DENND4A: variants seen among roughly 807,000 people sequenced by gnomAD.
The protein encoded by DENND4A is DENN domain containing 4A.
DENND4A carries 70 observed loss-of-function variants against 199.3 expected under a neutral mutation model. The observed-to-expected ratio is 0.35, with a 90% CI of 0.29 to 0.43. DENND4A has a LOEUF of 0.43. DENND4A is among the 20% of genes least tolerant of loss of function. The pLI, the probability that DENND4A is intolerant of heterozygous loss-of-function variation, is 1.00. For missense variants in DENND4A, 1,723 were observed against 2,255.8 expected, an observed-to-expected ratio of 0.76 and a Z score of 4.78; for synonymous variants, 686 against 766.9, an observed-to-expected ratio of 0.89 and a Z score of 1.74.
At chr15:65,736,173 T>C (rs2076110185) in intron 7 of DENND4A, among the ~76,000 whole-genome samples, 2 of 152,216 alleles carry the variant, frequency 1.3e-5, no homozygotes, top group Non-Finnish European at 2.9e-5. Flanking sequence ...CAAATCAGTA[T>C]TTAACAAATG....
chr15:65,792,261 C>G lies in DENND4A; in HGVS notation c.-353G>C, dbSNP rs1373280101. On this transcript the variant is annotated 5_prime_UTR_variant, in exon 1 of 33. Coordinates refer to ENST00000443035, the MANE Select transcript of DENND4A (RefSeq NM_001320835.1). ...CGCCTCTTTCTCCGACTCTAGCCTC[C>G]GCGGCCACCGCGACCGGCGCCATCT... The G allele has an allele frequency of 6.6e-6, 1 of 152,564 alleles. No homozygotes were observed. The highest frequency in any genetic ancestry group is 2.1e-4 in the South Asian group (1 of 4,854). 9.5% of individuals were successfully genotyped at this position (152,564 alleles called of 1,614,324 possible). A position where few individuals can be genotyped will look rare whatever the true frequency, so the allele number is the denominator to read the frequency against.
rs540087781 is a variant in DENND4A at position 65,779,043 on chromosome 15, G to A, written c.-102+12967C>T. Among the ~76,000 whole-genome samples the A allele has an allele frequency of 2.1e-4, 32 of 152,148 alleles. No homozygotes were observed. In the East Asian group the frequency reaches 4.1e-3, roughly 19 times the overall value. On this transcript the variant is annotated intron_variant, in intron 1 of 32. Transcript: ENST00000443035. ...ACTCAGAAGGCAGAGACAGTAAGAC[G>A]GCTTGAGCCCAGGAATTTGAGGCCA...
At chr15:65,720,122 A>C (rs942140436) in intron 12 of DENND4A, among the ~76,000 whole-genome samples, 2 of 152,158 alleles carry the variant, frequency 1.3e-5, no homozygotes, top group East Asian at 1.9e-4. Context: ...AACTGGCAAA[A>C]CCTGAATGTG....
chr15:65,692,514 T>C lies in DENND4A; in HGVS notation c.3083-1003A>G, dbSNP rs76530314. Among the ~76,000 whole-genome samples, 39 of 152,310 alleles carry C rather than the reference T, an allele frequency of 2.6e-4. No homozygotes were observed. The East Asian group carries it at 7.3e-3, about 29-fold the overall frequency. On this transcript the variant is annotated intron_variant, in intron 22 of 32. Coordinates refer to ENST00000443035, the MANE Select transcript of DENND4A (RefSeq NM_001320835.1). ...TTAGCTCTCTATAGCCAGACAAGTA[T>C]TGAAAATGTGCCTTTTCTTGTCATG... is the stretch of plus-strand genomic sequence containing the variant.
chr15:65,685,464 T>C (rs1007180944), intron 23 of DENND4A, among the ~76,000 whole-genome samples: 12 of 152,350 alleles, frequency 7.9e-5, no homozygotes, highest in East Asian at 3.9e-4. Context: ...AGACATCTTA[T>C]CCTTTTTGTG....
At chr15:65,678,863 G>A (rs988811507) in intron 23 of DENND4A, among the ~76,000 whole-genome samples, 4 of 151,876 alleles carry the variant, frequency 2.6e-5, no homozygotes, top group Admixed American at 2.6e-4. Context: ...CTAATTTTTT[G>A]TATTTTTAGT....
rs2075977943 is a variant in DENND4A at position 65,664,662 on chromosome 15, A to G, written c.5420T>C (p.Leu1807Pro). ...AATGCTTTTTACCATACTTTTCAAC[A>G]GTTCCTGGTTAAATGAGTTATCACT... ...QKSDNSFNQE[L>P]LKSMVKSIKM... The change falls in exon 31 of 33, where the codon CTG (leucine) becomes CCG (proline). Residue 1807 changes from leucine (L) to proline (P), a missense_variant. Leu to Pro is a moderately conservative substitution (Grantham distance 98). Coordinates refer to ENST00000443035, the MANE Select transcript of DENND4A (RefSeq NM_001320835.1). The G allele has an allele frequency of 1.2e-6, 2 of 1,613,052 alleles. No homozygotes were observed. Among genetic ancestry groups the G allele is most frequent in the Non-Finnish European group, 1.7e-6 (2 of 1,179,330 alleles).
intron 23 of DENND4A, among the ~76,000 whole-genome samples, chr15:65,687,264 A>G (rs950771689): frequency 2.0e-5 from 3 of 152,204 alleles, no homozygotes; most frequent in African/African-American, 7.2e-5. Flanking sequence ...ATTTAATAAT[A>G]TAACTATAAT....
At chr15:65,750,523 T>G (rs1276227232) in intron 4 of DENND4A, among the ~76,000 whole-genome samples, 1 of 151,966 alleles carries the variant, frequency 6.6e-6, no homozygotes, top group Non-Finnish European at 1.5e-5. Flanking sequence ...ACAAAAAAAT[T>G]CAAATTAAAA....
Position 65,762,449 on chromosome 15 carries a change from C to T in DENND4A, c.-101-1011G>A, listed in dbSNP as rs1165745829. ...AGCCAGCCTGGGCAATATAGTGAGG[C>T]CCCCATCTCTAAAAAAAAAAGAAGA... On this transcript the variant is annotated intron_variant, in intron 1 of 32. Coordinates refer to ENST00000443035, the MANE Select transcript of DENND4A (RefSeq NM_001320835.1). 3.9e-5 allele frequency among the ~76,000 whole-genome samples: 6 copies of T among 151,982 alleles called. No individual in the cohort carries two copies. The East Asian group carries it at 7.8e-4, about 20-fold the overall frequency.
At chr15:65,663,648 TC>T in intron 32 of DENND4A, among the ~76,000 whole-genome samples, 1 of 152,218 alleles carries the variant, frequency 6.6e-6, no homozygotes, top group Admixed American at 6.5e-5. Context: ...AGAATCACCT[TC>T]TGTTGATTCT....
chr15:65,749,199 C>T (rs546256770), intron 4 of DENND4A, among the ~76,000 whole-genome samples: 39 of 152,062 alleles, frequency 2.6e-4, no homozygotes, highest in Non-Finnish European at 4.1e-4. Flanking sequence ...AATTCCAGGA[C>T]GAACCATAAG....
At position 65,706,701 on chromosome 15, in the gene DENND4A, G is replaced by A. The variant is rs534933364; in HGVS notation, c.1954-477C>T. Among the ~76,000 whole-genome samples the A allele has an allele frequency of 8.3e-4, 127 of 152,128 alleles. 1 individual carries two copies. The highest frequency in any genetic ancestry group is 2.2e-3 in the African/African-American group (92 of 41,518). On this transcript the variant is annotated intron_variant, in intron 14 of 32. Coordinates refer to ENST00000443035, the MANE Select transcript of DENND4A (RefSeq NM_001320835.1). ...AGTAGAGACGGGGTTTCACCATGTT[G>A]GCCAGGACGGTCTCGATCTCTTGAC...
chr15:65,763,346 G>A (rs529831106), intron 1 of DENND4A, among the ~76,000 whole-genome samples: 1 of 152,308 alleles, frequency 6.6e-6, no homozygotes, highest in South Asian at 2.1e-4. Flanking sequence ...ACATGTGTGT[G>A]TCTGTGAGAA....
chr15:65,767,180 A>C (rs144791809), intron 1 of DENND4A: 19 of 152,302 alleles, frequency 1.2e-4, no homozygotes, highest in African/African-American at 4.3e-4. Flanking sequence ...GAAAGTTAAA[A>C]CACCACAGAA....
chr15:65,684,439 C>T (rs1326354959), intron 23 of DENND4A, among the ~76,000 whole-genome samples: 1 of 152,178 alleles, frequency 6.6e-6, no homozygotes, highest in African/African-American at 2.4e-5. Flanking sequence ...TTCACTGTGG[C>T]TCCAAATGCA....
chr15:65,711,910 G>A (rs1460530322), intron 14 of DENND4A, among the ~76,000 whole-genome samples: 1 of 152,192 alleles, frequency 6.6e-6, no homozygotes, highest in Non-Finnish European at 1.5e-5. Context: ...TCAGACTCTT[G>A]AGTAGCTGGT....
Position 65,701,046 on chromosome 15 carries a change from C to T in DENND4A, c.2701+5G>A, listed in dbSNP as rs1415275182. ...AAGAACAAGTAAAACACATACATCC[C>T]TTACCTGAGAGAGTTGTTTGTGATA... On this transcript the variant is annotated splice_donor_5th_base_variant and intron_variant, in intron 19 of 32. Transcript: ENST00000443035. The T allele has an allele frequency of 6.2e-7, 1 of 1,603,594 alleles. No individual in the cohort carries two copies. The highest frequency in any genetic ancestry group is 1.3e-5 in the African/African-American group (1 of 74,604).
Position 65,701,086 on chromosome 15 carries a change from T to C in DENND4A, c.2666A>G (p.Lys889Arg). The change falls in exon 19 of 33, where the codon AAG becomes AGG. Residue 889 changes from lysine (K) to arginine (R), a missense_variant. Physicochemically the swap from Lys to Arg is conservative, Grantham distance 26. Around this residue, in one of 6 missense-constraint regions of DENND4A, gnomAD observed 650 missense variants for 738.1 expected, o/e 0.88. Transcript: ENST00000443035. ...TGTTTGTGATAAGTGTGCATGCTTC[T>C]TTAAAGCTCTTTTGAACTGTGTTAC... ...LGVTQFKRAL[K>R]KHAHLSQTTL... 1.9e-6 allele frequency: 3 copies of C among 1,609,842 alleles called. No individual in the cohort carries two copies. Among genetic ancestry groups the C allele is most frequent in the Non-Finnish European group, 2.5e-6 (3 of 1,178,736 alleles).
Sources: allele counts gnomAD v4.1 joint callset (sites outside exome capture counted in the v4.1 genomes callset), GRCh38; gene constraint gnomAD v4.1.1; regional missense constraint gnomAD v4.1.1; transcripts MANE v1.5; gene names NCBI Gene and HGNC (gene_info 2026-07-23, HGNC 2026-07-21).